The following TTYH3 variants were observed in gnomAD, a reference collection of about 807,000 sequenced individuals.
The protein encoded by TTYH3 is tweety family member 3, also known as protein tweety homolog 3.
A neutral mutation model predicts 68.2 loss-of-function variants in TTYH3; 23 were observed. The observed-to-expected ratio is 0.34, with a 90% CI of 0.24 to 0.48. The LOEUF (loss-of-function observed/expected upper bound fraction) is 0.48. Ranked by LOEUF, TTYH3 falls within the 20% of genes least tolerant of loss-of-function variation. The pLI is 0.99. For synonymous variants in TTYH3, 360 were observed against 332.8 expected, an observed-to-expected ratio of 1.08 and a Z score of -0.89; for missense variants, 768 against 727.7, an observed-to-expected ratio of 1.06 and a Z score of -0.64.
At chr7:2,653,240 C>T (rs1786241451) in intron 9 of TTYH3, among the ~76,000 whole-genome samples, 3 of 152,126 alleles carry the variant, frequency 2.0e-5, no homozygotes, top group Non-Finnish European at 1.5e-5. Flanking sequence ...CATTCCTTTC[C>T]CTTGGGAATT....
At chr7:2,657,747 C>G (rs1786378028) in intron 11 of TTYH3, among the ~76,000 whole-genome samples, 1 of 152,246 alleles carries the variant, frequency 6.6e-6, no homozygotes, top group Admixed American at 6.5e-5. Flanking sequence ...AAAGCTACCA[C>G]TGTCCTGTTT....
chr7:2,632,644 C>T (rs1396161065), intron 1 of TTYH3, among the ~76,000 whole-genome samples: 1 of 152,220 alleles, frequency 6.6e-6, no homozygotes, highest in Non-Finnish European at 1.5e-5. Context: ...GAGGGCCTCT[C>T]CACCATCACT....
At chr7:2,652,894 G>T (rs1233494432) in intron 8 of TTYH3, 24 bp from the exon 9 acceptor site, 1 of 1,546,056 alleles carries the variant, frequency 6.5e-7, no homozygotes, top group Admixed American at 2.0e-5. Flanking sequence ...AGCGCCCATG[G>T]ACTTGGTCTC....
In TTYH3 at chr7:2,656,500, G is replaced by A. The variant is rs765218090; in HGVS notation, c.1216G>A (p.Val406Ile). ...CACAGCCCTCATGTTCAGCTCCATC[G>A]TCTGCAGCGTCCCGCACACCTGGCA... ...FVTALMFSSI[V>I]CSVPHTWQQK... The change falls in exon 11 of 14, where the codon GTC (valine) becomes ATC (isoleucine). Residue 406 changes from valine to isoleucine, a missense_variant. Physicochemically the swap from Val to Ile is conservative, Grantham distance 29. Coordinates refer to ENST00000258796, the MANE Select transcript of TTYH3 (RefSeq NM_025250.3). The A allele has an allele frequency of 6.1e-5, 98 of 1,609,450 alleles. No individual in the cohort carries two copies. Among genetic ancestry groups the A allele is most frequent in the Non-Finnish European group, 7.5e-5 (88 of 1,178,740 alleles).
chr7:2,635,217 A>T (rs1210299838), intron 1 of TTYH3, among the ~76,000 whole-genome samples: 1 of 152,192 alleles, frequency 6.6e-6, no homozygotes, highest in Non-Finnish European at 1.5e-5. Flanking sequence ...TCAGTGCTGC[A>T]TAGTGAGTCC....
intron 1 of TTYH3, among the ~76,000 whole-genome samples, chr7:2,637,162 G>A (rs764601308): frequency 1.3e-5 from 2 of 151,110 alleles, no homozygotes; most frequent in African/African-American, 2.4e-5. Context: ...CCCTCTTCTG[G>A]GCATCTCCAT....
chr7:2,633,140 C>G (rs2114967394), intron 1 of TTYH3, among the ~76,000 whole-genome samples: 1 of 152,286 alleles, frequency 6.6e-6, no homozygotes, highest in East Asian at 1.9e-4. Flanking sequence ...GGCAGGGGAC[C>G]AAGCTGTGGG....
chr7:2,656,694 G>C (rs1786345707), intron 11 of TTYH3, among the ~76,000 whole-genome samples, 160 bp downstream of exon 11: 1 of 152,208 alleles, frequency 6.6e-6, no homozygotes, highest in Non-Finnish European at 1.5e-5. Flanking sequence ...TAGTGTCTCT[G>C]AGGCTGCCGG....
At chr7:2,643,569 G>T (rs1289289594) in intron 1 of TTYH3, among the ~76,000 whole-genome samples, 1 of 152,194 alleles carries the variant, frequency 6.6e-6, no homozygotes, top group African/African-American at 2.4e-5. Context: ...GGCGTCCCCT[G>T]CCCACTGCCC....
chr7:2,632,556 C>T (rs1007141024), intron 1 of TTYH3, among the ~76,000 whole-genome samples: 3 of 152,208 alleles, frequency 2.0e-5, no homozygotes, highest in African/African-American at 7.2e-5. Context: ...CGATTCTGGC[C>T]TTCCCTTCTG....
Position 2,632,015 on chromosome 7 carries a change from AGCCGGGCCGGGCCGG to A in TTYH3, c.-137_-123del. 1.9e-5 allele frequency: 13 copies of A among 671,598 alleles called. No individual in the cohort carries two copies. The highest frequency in any genetic ancestry group is 6.6e-5 in the South Asian group (1 of 15,236). The allele number at this position is 671,598 out of a possible 1,614,324, so 41.6% of individuals were successfully genotyped here. On this transcript the variant is annotated 5_prime_UTR_variant, in exon 1 of 14. Transcript: ENST00000258796. ...AGCCGAGCGCAGCCGAGCCGGGCCG[AGCCGGGCCGGGCCGG>A]GCCCAGGAGCGCGCGGATGATGCGG...
At position 2,649,931 on chromosome 7, in the gene TTYH3, G is replaced by A. The variant is rs764066537; in HGVS notation, c.814G>A (p.Val272Met). Residue 272 changes from valine to methionine, a missense_variant, in exon 7 of 14, where the codon GTG becomes ATG. Val to Met is a conservative substitution (Grantham distance 21, BLOSUM62 1). Coordinates refer to ENST00000258796, the MANE Select transcript of TTYH3 (RefSeq NM_025250.3). ...ACCTCAGGGCTCCAGCGACTTCTGT[G>A]TGGACCCTGACGCCTACGTGACCAA... is the stretch of plus-strand genomic sequence containing the variant. Reference protein sequence around the residue: ...AVSVGSSDFCVDPDAYVTKMV... With the variant: ...AVSVGSSDFCMDPDAYVTKMV... 9 of 1,613,894 alleles carry A rather than the reference G, an allele frequency of 5.6e-6. No homozygotes were observed. The highest frequency in any genetic ancestry group is 1.7e-6 in the Non-Finnish European group (2 of 1,179,964).
chr7:2,651,920 A>G (rs1786189478), intron 7 of TTYH3, among the ~76,000 whole-genome samples: 1 of 152,180 alleles, frequency 6.6e-6, no homozygotes, highest in Non-Finnish European at 1.5e-5. Flanking sequence ...ATGCGAAGAC[A>G]TGTACACACA....
rs1472819943 is a variant in TTYH3 at position 2,662,903 on chromosome 7, GC to G, written c.*1166del. On this transcript the variant is annotated 3_prime_UTR_variant, in exon 14 of 14. Transcript: ENST00000258796. ...CCACAGACCGACAGGCAGCCCAAGG[GC>G]CTGGACACCCCTCCCCAGGCAGGTG... The G allele has an allele frequency of 6.6e-6, 1 of 152,360 alleles. No individual in the cohort carries two copies. The highest frequency in any genetic ancestry group is 1.5e-5 in the Non-Finnish European group (1 of 68,100). 9.4% of individuals were successfully genotyped at this position (152,360 alleles called of 1,614,324 possible).
At chr7:2,636,325 G>A (rs1034618873) in intron 1 of TTYH3, among the ~76,000 whole-genome samples, 2 of 152,202 alleles carry the variant, frequency 1.3e-5, no homozygotes, top group African/African-American at 2.4e-5. Flanking sequence ...AGCAGTACAC[G>A]TTCATGGAAC....
intron 1 of TTYH3, among the ~76,000 whole-genome samples, chr7:2,641,084 C>T (rs1337449782): frequency 6.6e-6 from 1 of 152,088 alleles, no homozygotes; most frequent in Non-Finnish European, 1.5e-5. Context: ...GTAGAGGCCA[C>T]AGAGCCCTGC....
chr7:2,652,838 C>G (rs932436474), intron 8 of TTYH3, 80 bp from the exon 9 acceptor site: 10 of 1,159,920 alleles, frequency 8.6e-6, no homozygotes, highest in Non-Finnish European at 8.7e-6. Context: ...TTGCTGGTGT[C>G]CCCGCGTTGG....
chr7:2,651,885 T>C (rs1176882934), intron 7 of TTYH3, among the ~76,000 whole-genome samples: 1 of 152,122 alleles, frequency 6.6e-6, no homozygotes, highest in African/African-American at 2.4e-5. Flanking sequence ...GACATAGGCA[T>C]GTGTGTAAAT....
intron 1 of TTYH3, 152 bp downstream of exon 1, chr7:2,632,430 C>T: frequency 3.8e-6 from 3 of 794,106 alleles, no homozygotes; most frequent in Admixed American, 3.3e-5. Context: ...GTACCGGCCT[C>T]CTTCCTTCTC....
Sources: gnomAD v4.1 joint callset for allele counts (sites outside exome capture counted in the v4.1 genomes callset) on GRCh38, gnomAD v4.1.1 for gene constraint, MANE v1.5 for transcripts, NCBI Gene and HGNC (gene_info 2026-07-23, HGNC 2026-07-21) for gene names.